Variants in CHD1L observed in about 807,000 individuals in gnomAD.
CHD1L encodes ATP-dependent chromatin remodeler CHD1L.
CHD1L carries 118 observed loss-of-function variants against 115.9 expected under a neutral mutation model. The ratio of observed to expected loss-of-function variants is 1.02; its 90% CI spans 0.88 to 1.19. CHD1L has a LOEUF of 1.19. Among genes scored for constraint, CHD1L ranks in the 50% most tolerant of loss-of-function variants. CHD1L has a pLI of 0.00. For synonymous variants in CHD1L, 411 were observed against 387.1 expected (o/e 1.06, Z -0.72); for missense variants, 1,179 against 1,065.3 (o/e 1.11, Z -1.49).
chr1:147,236,403 C>T, the CHD1L span, among the ~76,000 whole-genome samples: 192 of 152,320 alleles, frequency 1.3e-3, no homozygotes, highest in African/African-American at 4.4e-3. Flanking sequence ...CACCATTTGG[C>T]GGGTCCTGAG....
At chr1:147,200,990 T>C in the CHD1L span, among the ~76,000 whole-genome samples, 8 of 152,312 alleles carry the variant, frequency 5.3e-5, no homozygotes, top group African/African-American at 1.7e-4. Context: ...TGGTTATAAA[T>C]TGCTACTTTA....
At chr1:147,281,467 G>T (rs587660368) in intron 15 of CHD1L, among the ~76,000 whole-genome samples, 6 of 152,254 alleles carry the variant, frequency 3.9e-5, no homozygotes, top group African/African-American at 1.4e-4. Flanking sequence ...TGGTTTTGTT[G>T]TCCTTGTTGA....
rs142581058 is a variant in CHD1L, at chr1:147,250,968, G to A, written c.128-1655G>A. ...TGAATAAATCTCACAAGATCTGATGGTTTTATAAATGGGAGTTCCCTGCAC... is the reference window on the plus strand; with the variant it reads ...TGAATAAATCTCACAAGATCTGATGATTTTATAAATGGGAGTTCCCTGCAC... On this transcript the variant is annotated intron_variant, in intron 1 of 22. Coordinates refer to ENST00000369258, the MANE Select transcript of CHD1L (RefSeq NM_004284.6). Among the ~76,000 whole-genome samples, 1,133 of 152,236 alleles carry A rather than the reference G, an allele frequency of 7.4e-3. 2 individuals are homozygous for A. The highest frequency in any genetic ancestry group is 0.011 in the Non-Finnish European group (768 of 68,008).
the CHD1L span, chr1:147,174,640 G>C: frequency 1.3e-5 from 2 of 152,056 alleles, no homozygotes. Context: ...GCAGGTTTTA[G>C]ACACAGAACA....
At chr1:147,283,669 T>C (rs1553963371) in intron 15 of CHD1L, among the ~76,000 whole-genome samples, 2 of 152,236 alleles carry the variant, frequency 1.3e-5, no homozygotes, top group Non-Finnish European at 2.9e-5. Flanking sequence ...ATTGTTATTA[T>C]TACCACAGTT....
At position 147,293,709 on chromosome 1, in the gene CHD1L, A is replaced by C. The variant is rs1553973256; in HGVS notation, c.2493A>C (p.Ala831=). Residue 831 remains alanine (A), a synonymous_variant, in exon 21 of 23, where the codon GCA becomes GCC. Transcript: ENST00000369258. ...EEGLKKIFLA[A]KKKKASVHLP... is the part of the protein sequence containing the mutation. ...GCCTGAAGAAGATATTTTTAGCAGC[A>C]AAAAAGAAGAAAGGTAAGCTCTTCC... The C allele has an allele frequency of 1.9e-6, 3 of 1,613,120 alleles. No individual in the cohort carries two copies. The highest frequency in any genetic ancestry group is 1.7e-5 in the Admixed American group (1 of 60,016).
At chr1:147,271,486 A>G (rs1676206560) in intron 11 of CHD1L, among the ~76,000 whole-genome samples, 1 of 152,228 alleles carries the variant, frequency 6.6e-6, no homozygotes, top group Non-Finnish European at 1.5e-5. Context: ...AGTCTGTTTA[A>G]TATGTAATAA....
the CHD1L span, among the ~76,000 whole-genome samples, chr1:147,207,136 G>A: frequency 1.3e-5 from 2 of 152,036 alleles, no homozygotes; most frequent in Non-Finnish European, 2.9e-5. Flanking sequence ...TTATATGATG[G>A]TTATGTAGGA....
chr1:147,278,910 CAT>C (rs1341998897), intron 14 of CHD1L, among the ~76,000 whole-genome samples: 1 of 152,122 alleles, frequency 6.6e-6, no homozygotes, highest in East Asian at 1.9e-4. Context: ...CATAAAAACA[CAT>C]GTAATTTTCT....
the CHD1L span, among the ~76,000 whole-genome samples, chr1:147,198,774 C>A: frequency 6.7e-6 from 1 of 148,952 alleles, no homozygotes; most frequent in African/African-American, 2.5e-5. Context: ...TGGCCTGAAC[C>A]CAGAAGGTGG....
chr1:147,288,448 A>G (rs1684263643), intron 19 of CHD1L, among the ~76,000 whole-genome samples: 2 of 152,004 alleles, frequency 1.3e-5, no homozygotes, highest in African/African-American at 4.8e-5. Context: ...GATCCCAGCA[A>G]TTTGGAAGGC....
the CHD1L span, among the ~76,000 whole-genome samples, chr1:147,217,842 T>A: frequency 6.6e-6 from 1 of 152,170 alleles, no homozygotes; most frequent in Non-Finnish European, 1.5e-5. Flanking sequence ...AAGACCTCCA[T>A]AATGTTTTGT....
In CHD1L at chr1:147,285,365, GC is replaced by G. The variant is rs782594961; in HGVS notation, c.1897del (p.Arg633GlyfsTer3). 1.9e-6 allele frequency: 3 copies of G among 1,614,006 alleles called. No homozygotes were observed. The highest frequency in any genetic ancestry group is 2.5e-6 in the Non-Finnish European group (3 of 1,179,956). ...TTGTGGAGGGATCTACCAAAAGGAA[GC>G]GGGTTCTGAGTCCAGAAGAGCTGGA... The part of the protein sequence containing the change: ...GLVEGSTKRK[R>X]VLSPEELEDR... On this transcript the variant is annotated frameshift_variant, in exon 17 of 23. Coordinates refer to ENST00000369258, the MANE Select transcript of CHD1L (RefSeq NM_004284.6). LOFTEE classifies it high-confidence loss of function.
chr1:147,173,901 A>G, the CHD1L span, among the ~76,000 whole-genome samples: 1 of 152,222 alleles, frequency 6.6e-6, no homozygotes, highest in African/African-American at 2.4e-5. Context: ...AGGCTTTTGC[A>G]TTTGCGGAAT....
the CHD1L span, chr1:147,178,097 C>T: frequency 3.3e-6 from 5 of 1,526,012 alleles, no homozygotes; most frequent in South Asian, 4.7e-5. Context: ...CGGCTGCCCC[C>T]ACCCCACCTC....
At chr1:147,191,430 G>T in the CHD1L span, among the ~76,000 whole-genome samples, 1 of 152,174 alleles carries the variant, frequency 6.6e-6, no homozygotes. Context: ...TTCTCTGATG[G>T]CCAGCGATGA....
intron 1 of CHD1L, among the ~76,000 whole-genome samples, chr1:147,251,307 C>A (rs1293007639): frequency 5.9e-5 from 9 of 152,126 alleles, no homozygotes; most frequent in Non-Finnish European, 1.0e-4. Context: ...GGCCCAAGGT[C>A]CCTAGCCAGT....
chr1:147,191,849 TG>T, the CHD1L span, among the ~76,000 whole-genome samples: 3 of 152,142 alleles, frequency 2.0e-5, no homozygotes, highest in African/African-American at 7.2e-5. Flanking sequence ...CTGAGGGCTC[TG>T]TCCTGTTCCA....
At chr1:147,236,081 T>C in the CHD1L span, among the ~76,000 whole-genome samples, 85,856 of 152,064 alleles carry the variant, frequency 0.56, 25,804 homozygotes, top group East Asian at 0.87. Flanking sequence ...ATGCCAGCTG[T>C]GGCAAGGCAG....
Sources: gnomAD v4.1 joint callset for allele counts (sites outside exome capture counted in the v4.1 genomes callset) on GRCh38, gnomAD v4.1.1 for gene constraint, MANE v1.5 for transcripts, NCBI Gene and HGNC (gene_info 2026-07-23, HGNC 2026-07-21) for gene names.